HAUS6: variants seen among roughly 807,000 people sequenced by gnomAD.
The protein encoded by HAUS6 is HAUS augmin-like complex subunit 6.
Under a neutral mutation model 106.8 loss-of-function variants are expected in HAUS6, and 80 were observed. The observed-to-expected ratio is 0.75, with a 90% confidence interval of 0.63 to 0.90. The LOEUF is 0.90. Among genes scored for constraint, HAUS6 ranks in the 40% least tolerant of loss-of-function variants. The probability of loss-of-function intolerance (pLI) is 0.00; values close to 1 mark genes in which losing one functional copy is unlikely to be tolerated. For missense variants in HAUS6, 1,155 were observed against 1,118.1 expected (o/e 1.03, Z -0.47); for synonymous variants, 356 against 379.1 (o/e 0.94, Z 0.71).
At chr9:19,060,296 G>C (rs1263265886) in intron 14 of HAUS6, 73 bp from the exon 15 acceptor site, 7 of 1,212,938 alleles carry the variant, frequency 5.8e-6, no homozygotes, top group Non-Finnish European at 7.9e-6. Flanking sequence ...CCCCTGATAA[G>C]GATAATAAGC....
chr9:19,094,453 C>G (rs1436220505), intron 2 of HAUS6, 58 bp from the exon 3 acceptor site: 57 of 975,172 alleles, frequency 5.8e-5, no homozygotes, highest in Non-Finnish European at 5.5e-5. Context: ...AAAAAAAAAG[C>G]CTCAGCAAAT....
chr9:19,102,825 G>T lies in HAUS6; in HGVS notation c.-174C>A. The T allele has an allele frequency of 1.7e-6, 1 of 594,424 alleles. No homozygotes were observed. The highest frequency in any genetic ancestry group is 1.9e-5 in the African/African-American group (1 of 52,642). The allele number at this position is 594,424 out of a possible 1,614,324, so 36.8% of individuals were successfully genotyped here. ...GCCTCAAAGGGCCTCACAACCTCCG[G>T]GAAATTGAGTTTCTAACGGTATAGT... is the stretch of plus-strand genomic sequence containing the variant. On this transcript the variant is annotated 5_prime_UTR_variant, in exon 1 of 17. Transcript: ENST00000380502.
Position 19,086,132 on chromosome 9 carries a change from C to T in HAUS6, c.699+602G>A, listed in dbSNP as rs149142677. Among the ~76,000 whole-genome samples the T allele has an allele frequency of 4.4e-3, 636 of 144,382 alleles. 3 individuals carry two copies. Among genetic ancestry groups the T allele is most frequent in the African/African-American group, 0.016 (609 of 38,802 alleles). 94.7% of individuals were successfully genotyped at this position (144,382 alleles called of 152,430 possible). On this transcript the variant is annotated intron_variant, in intron 7 of 16. Coordinates refer to ENST00000380502, the MANE Select transcript of HAUS6 (RefSeq NM_017645.5). ...TTCAAGACCAGCTTGGCCAACATGG[C>T]GAAACCCTATCTCTACAAAAATACA...
In HAUS6 at chr9:19,063,514, C is replaced by G. The variant is rs974166748; in HGVS notation, c.1443G>C (p.Lys481Asn). 7 of 1,504,224 alleles carry G rather than the reference C, an allele frequency of 4.7e-6. No individual in the cohort carries two copies. Among genetic ancestry groups the G allele is most frequent in the Non-Finnish European group, 6.5e-6 (7 of 1,082,612 alleles). 93.2% of individuals were successfully genotyped at this position (1,504,224 alleles called of 1,614,324 possible). ...SDRNSVTVLE[K>N]DTKMGTPKEK... Reference sequence around the variant, plus strand: ...AATTGAGACTTATTTTAAAATATACCTTTTCAAGTACTGTAACACTGTTTC... The same window carrying G: ...AATTGAGACTTATTTTAAAATATACGTTTTCAAGTACTGTAACACTGTTTC... The change falls in exon 13 of 17, where the codon AAG becomes AAC. Residue 481 changes from lysine to asparagine, a missense_variant and splice_region_variant. Physicochemically the swap from Lys to Asn is moderately conservative, Grantham distance 94 (BLOSUM62 0). Around this residue, in one of 3 missense-constraint regions of HAUS6, gnomAD observed 761 missense variants for 690.0 expected, o/e 1.10. Coordinates refer to ENST00000380502, the MANE Select transcript of HAUS6 (RefSeq NM_017645.5).
rs1836462842 is a variant in HAUS6, at chr9:19,056,141, C to T, written c.*202G>A. ...GTCCAAATACTTCACATTTCAATCT[C>T]ATATACCTACAAAGAGGAAAAAATC... On this transcript the variant is annotated 3_prime_UTR_variant, in exon 17 of 17. Coordinates refer to ENST00000380502, the MANE Select transcript of HAUS6 (RefSeq NM_017645.5). The T allele has an allele frequency of 4.2e-6, 2 of 474,270 alleles. No individual in the cohort carries two copies. Among genetic ancestry groups the T allele is most frequent in the Admixed American group, 3.7e-5 (1 of 27,130 alleles). 29.4% of individuals were successfully genotyped at this position (474,270 alleles called of 1,614,324 possible). A position where few individuals can be genotyped will look rare whatever the true frequency, so the allele number is the denominator to read the frequency against.
chr9:19,070,578 A>G (rs185084843), intron 11 of HAUS6, among the ~76,000 whole-genome samples: 1 of 152,204 alleles, frequency 6.6e-6, no homozygotes, highest in African/African-American at 2.4e-5. Context: ...TATATGCTTC[A>G]TGTTTACATA....
intron 7 of HAUS6, among the ~76,000 whole-genome samples, 176 bp downstream of exon 7, chr9:19,086,558 T>A (rs1164603483): frequency 6.7e-6 from 1 of 149,224 alleles, no homozygotes; most frequent in Non-Finnish European, 1.5e-5. Flanking sequence ...AGGCAGAGGG[T>A]GTAGTGAGCC....
intron 11 of HAUS6, among the ~76,000 whole-genome samples, chr9:19,073,469 T>G (rs1262895605): frequency 1.3e-5 from 2 of 150,636 alleles, no homozygotes; most frequent in Non-Finnish European, 3.0e-5. Context: ...CTGGACTTCC[T>G]AAACGGACAC....
chr9:19,065,365 A>G (rs902199789), intron 12 of HAUS6, among the ~76,000 whole-genome samples: 30 of 152,246 alleles, frequency 2.0e-4, no homozygotes, highest in Non-Finnish European at 2.9e-5. Flanking sequence ...TCCTAAGGGA[A>G]GAACAGAGAG....
intron 12 of HAUS6, among the ~76,000 whole-genome samples, chr9:19,067,686 A>T (rs1471852968): frequency 2.6e-5 from 4 of 152,066 alleles, no homozygotes; most frequent in African/African-American, 9.7e-5. Context: ...TTCTTCAAAA[A>T]GAATTTTGTT....
At position 19,076,883 on chromosome 9, in the gene HAUS6, G is replaced by A. The variant is rs74738891; in HGVS notation, c.1192-179C>T. ...CTTAAAGACAGGGTCTCAGTCCCTC[G>A]CCTAGGCTAAAGAGCAGTGACATTA... On this transcript the variant is annotated intron_variant, in intron 10 of 16. Transcript: ENST00000380502. Among the ~76,000 whole-genome samples the A allele has an allele frequency of 7.9e-3, 1,205 of 152,102 alleles. 14 individuals carry two copies. Among genetic ancestry groups the A allele is most frequent in the African/African-American group, 0.028 (1,150 of 41,496 alleles).
intron 11 of HAUS6, among the ~76,000 whole-genome samples, chr9:19,076,359 A>C (rs1420040178): frequency 6.6e-6 from 1 of 152,154 alleles, no homozygotes; most frequent in Non-Finnish European, 1.5e-5. Flanking sequence ...GTCTCAAAAA[A>C]AAATAAAAGA....
intron 12 of HAUS6, 197 bp from the exon 13 acceptor site, chr9:19,063,777 C>T (rs758340663): frequency 2.7e-6 from 2 of 738,502 alleles, no homozygotes; most frequent in Non-Finnish European, 2.5e-6. Flanking sequence ...ATTTGTGTAT[C>T]AGCCTCCCAA....
intron 5 of HAUS6, among the ~76,000 whole-genome samples, chr9:19,088,955 G>A (rs1227751983): frequency 6.6e-6 from 1 of 151,124 alleles, no homozygotes. Context: ...GAAGTTATCT[G>A]ACTATAGCCA....
rs556335259 is a variant in HAUS6, at chr9:19,098,028, T to C, written c.129-1259A>G. ...ACAAATGAAGTTCCATCTATCCTACTTCCTTACCATCTCTCAAACCTGTTG... is the reference window on the plus strand; with the variant it reads ...ACAAATGAAGTTCCATCTATCCTACCTCCTTACCATCTCTCAAACCTGTTG... On this transcript the variant is annotated intron_variant, in intron 1 of 16. Transcript: ENST00000380502. 7.2e-5 allele frequency among the ~76,000 whole-genome samples: 11 copies of C among 152,362 alleles called. No homozygotes were observed. The East Asian group carries it at 2.1e-3, about 29-fold the overall frequency.
At chr9:19,094,504 A>G (rs1270048192) in intron 2 of HAUS6, 109 bp from the exon 3 acceptor site, 1 of 659,276 alleles carries the variant, frequency 1.5e-6, no homozygotes, top group Non-Finnish European at 2.6e-6. Context: ...AGAAATATTA[A>G]TGCATGGCCA....
chr9:19,102,024 C>G (rs1817999459), intron 1 of HAUS6, among the ~76,000 whole-genome samples: 1 of 152,192 alleles, frequency 6.6e-6, no homozygotes, highest in East Asian at 1.9e-4. Context: ...CTTTTACTTT[C>G]CATACTTTTC....
rs181763810 is a variant in HAUS6, at chr9:19,091,704, C to T, written c.436+1467G>A. On this transcript the variant is annotated intron_variant, in intron 4 of 16. Transcript: ENST00000380502. ...TTGAGACTGAGTCTGCTCTATCACCCAGGCTGGAATGCAGTGGTGCGATCT... is the reference window on the plus strand; with the variant it reads ...TTGAGACTGAGTCTGCTCTATCACCTAGGCTGGAATGCAGTGGTGCGATCT... 7.6e-3 allele frequency among the ~76,000 whole-genome samples: 1,159 copies of T among 152,234 alleles called. 8 individuals carry two copies. Among genetic ancestry groups the T allele is most frequent in the Non-Finnish European group, 8.9e-3 (604 of 68,006 alleles).
intron 7 of HAUS6, among the ~76,000 whole-genome samples, chr9:19,085,494 T>C (rs1837267893): frequency 6.6e-6 from 1 of 151,980 alleles, no homozygotes; most frequent in Non-Finnish European, 1.5e-5. Context: ...ATAAAAATAT[T>C]TCCTGAAGAG....
Sources: gnomAD v4.1 joint callset for allele counts (sites outside exome capture counted in the v4.1 genomes callset) on GRCh38, gnomAD v4.1.1 for gene constraint, gnomAD v4.1.1 regional missense constraint, MANE v1.5 for transcripts, NCBI Gene and HGNC (gene_info 2026-07-23, HGNC 2026-07-21) for gene names.